The following ULK4 variants were observed in gnomAD, a reference collection of about 807,000 sequenced individuals.
The protein encoded by ULK4 is unc-51 like kinase 4, also known as inactive serine/threonine-protein kinase ULK4.
ULK4 carries 133 observed loss-of-function variants against 160.6 expected under a neutral mutation model. The ratio of observed to expected loss-of-function variants is 0.83; its 90% CI spans 0.72 to 0.96. ULK4 has a LOEUF of 0.96. ULK4 is among the 40% of genes least tolerant of loss of function. ULK4 has a pLI of 0.00. For missense variants in ULK4, 1,580 were observed against 1,499.5 expected (o/e 1.05, Z -0.89); for synonymous variants, 534 against 539.8 (o/e 0.99, Z 0.15).
intron 32 of ULK4, among the ~76,000 whole-genome samples, chr3:41,534,976 T>C (rs1192298108): frequency 1.3e-5 from 2 of 152,216 alleles, no homozygotes; most frequent in Non-Finnish European, 2.9e-5. Context: ...TGTGTGTATA[T>C]ACATATACAT....
chr3:41,546,672 C>T (rs1490918743), intron 32 of ULK4, among the ~76,000 whole-genome samples: 4 of 151,402 alleles, frequency 2.6e-5, no homozygotes, highest in East Asian at 2.0e-4. Flanking sequence ...CCTGTTAATC[C>T]TCACTAGCTC....
intron 22 of ULK4, among the ~76,000 whole-genome samples, chr3:41,736,654 C>G (rs1425598856): frequency 6.6e-6 from 1 of 151,382 alleles, no homozygotes; most frequent in Admixed American, 6.6e-5. Flanking sequence ...CCTGTTCACT[C>G]TGATGGTAGT....
At chr3:41,374,661 A>C (rs1032304727) in intron 35 of ULK4, among the ~76,000 whole-genome samples, 1 of 152,224 alleles carries the variant, frequency 6.6e-6, no homozygotes, top group African/African-American at 2.4e-5. Flanking sequence ...GCTATTTATG[A>C]CAAACCCACA....
intron 11 of ULK4, among the ~76,000 whole-genome samples, chr3:41,910,255 T>C (rs1193082883): frequency 6.6e-6 from 1 of 152,206 alleles, no homozygotes; most frequent in African/African-American, 2.4e-5. Context: ...ACTCTGACTT[T>C]AATTCTTTCA....
chr3:41,814,857 T>C (rs1294923981), intron 19 of ULK4, among the ~76,000 whole-genome samples: 2 of 151,966 alleles, frequency 1.3e-5, no homozygotes, highest in Non-Finnish European at 2.9e-5. Flanking sequence ...AGTCTTTCTA[T>C]AACTTTATGT....
intron 35 of ULK4, among the ~76,000 whole-genome samples, chr3:41,281,084 C>T (rs1252720743): frequency 2.0e-5 from 3 of 152,136 alleles, no homozygotes; most frequent in Non-Finnish European, 4.4e-5. Context: ...TGGACACATA[C>T]ACCCTCCCAA....
chr3:41,918,962 A>G (rs567209444), intron 6 of ULK4, among the ~76,000 whole-genome samples: 18 of 152,316 alleles, frequency 1.2e-4, no homozygotes, highest in African/African-American at 4.1e-4. Flanking sequence ...AACTTATAGA[A>G]AAAATATATA....
intron 31 of ULK4, among the ~76,000 whole-genome samples, chr3:41,570,817 G>A (rs1377546924): frequency 6.6e-6 from 1 of 152,034 alleles, no homozygotes; most frequent in African/African-American, 2.4e-5. Context: ...CAGCCAATCA[G>A]GTCCCGGGAC....
intron 29 of ULK4, among the ~76,000 whole-genome samples, chr3:41,678,086 C>A (rs2035789789): frequency 6.6e-6 from 1 of 152,022 alleles, no homozygotes; most frequent in Non-Finnish European, 1.5e-5. Flanking sequence ...CACAGGCTCT[C>A]CTGGGTCTCC....
chr3:41,388,555 G>A (rs1332028414), intron 35 of ULK4, among the ~76,000 whole-genome samples: 1 of 152,068 alleles, frequency 6.6e-6, no homozygotes, highest in Non-Finnish European at 1.5e-5. Context: ...TTTTGTCTAA[G>A]GTGTAAGGAA....
At chr3:41,290,533 C>T (rs1419288992) in intron 35 of ULK4, among the ~76,000 whole-genome samples, 2 of 152,126 alleles carry the variant, frequency 1.3e-5, no homozygotes, top group African/African-American at 4.8e-5. Flanking sequence ...TGGCTTCCAC[C>T]CCTCAATGAT....
chr3:41,659,092 A>C (rs888735667), intron 30 of ULK4, among the ~76,000 whole-genome samples: 12 of 152,194 alleles, frequency 7.9e-5, no homozygotes, highest in African/African-American at 2.9e-4. Flanking sequence ...TTATATCTCA[A>C]TAAACCTGTT....
At chr3:41,508,290 A>G (rs1462966499) in intron 32 of ULK4, among the ~76,000 whole-genome samples, 3 of 152,042 alleles carry the variant, frequency 2.0e-5, no homozygotes, top group African/African-American at 7.2e-5. Context: ...AGCCCTGCCC[A>G]AGGAGAGTCT....
At chr3:41,824,078 G>C (rs528190699) in intron 18 of ULK4, among the ~76,000 whole-genome samples, 1 of 147,786 alleles carries the variant, frequency 6.8e-6, no homozygotes, top group South Asian at 2.2e-4. Context: ...CAGGAGAATT[G>C]CTTGAATCCA....
At chr3:41,930,038 T>G (rs956452985) in intron 5 of ULK4, among the ~76,000 whole-genome samples, 1 of 152,172 alleles carries the variant, frequency 6.6e-6, no homozygotes, top group Non-Finnish European at 1.5e-5. Flanking sequence ...AAGACTATCC[T>G]AAGCAAAAAG....
chr3:41,953,300 ATATATTT>A (rs978472217), intron 2 of ULK4, among the ~76,000 whole-genome samples: 1 of 112,002 alleles, frequency 8.9e-6, no homozygotes, highest in African/African-American at 4.1e-5. Flanking sequence ...ATATATATAT[ATATATTT>A]TTTTTTTTTT....
At chr3:41,465,755 G>A (rs1320355060) in intron 32 of ULK4, among the ~76,000 whole-genome samples, 2 of 152,058 alleles carry the variant, frequency 1.3e-5, no homozygotes, top group Admixed American at 6.6e-5. Context: ...TGGGTTCTTT[G>A]GATTTCCTGT....
chr3:41,657,818 T>TAAAAAAAAGAAAAAAA (rs2034996522), intron 30 of ULK4, among the ~76,000 whole-genome samples: 1 of 99,760 alleles, frequency 1.0e-5, no homozygotes, highest in Admixed American at 1.0e-4. Context: ...TCCATCTCAT[T>TAAAAAAAAGAAAAAAA]AAAAAAAAAA....
intron 34 of ULK4, among the ~76,000 whole-genome samples, chr3:41,421,158 C>A (rs2082656721): frequency 1.3e-5 from 2 of 151,846 alleles, no homozygotes; most frequent in Non-Finnish European, 2.9e-5. Flanking sequence ...CTATTAATTT[C>A]TGTGTATTAT....
Sources: gnomAD v4.1 joint callset for allele counts (sites outside exome capture counted in the v4.1 genomes callset) on GRCh38, gnomAD v4.1.1 for gene constraint, MANE v1.5 for transcripts, NCBI Gene and HGNC (gene_info 2026-07-23, HGNC 2026-07-21) for gene names.